The following TDP1 variants were observed in gnomAD, a reference collection of about 807,000 sequenced individuals.
The protein encoded by TDP1 is tyrosyl-DNA phosphodiesterase 1.
A neutral mutation model predicts 81.5 loss-of-function variants in TDP1; 64 were observed. The ratio of observed to expected loss-of-function variants is 0.79; its 90% CI spans 0.64 to 0.97. The LOEUF (loss-of-function observed/expected upper bound fraction) is 0.97, where lower values mean the gene tolerates loss of function less well. Among genes scored for constraint, TDP1 ranks in the 50% least tolerant of loss-of-function variants. The pLI is 0.00. For synonymous variants in TDP1, 256 were observed against 264.3 expected (o/e 0.97, Z 0.30); for missense variants, 723 against 743.8 (o/e 0.97, Z 0.33).
At chr14:89,979,606 G>A (rs1444765151) in intron 7 of TDP1, among the ~76,000 whole-genome samples, 1 of 152,136 alleles carries the variant, frequency 6.6e-6, no homozygotes, top group Non-Finnish European at 1.5e-5. Context: ...ACCGTGCCTG[G>A]CAGCAAAATG....
At chr14:89,981,622 G>A (rs1231287136) in intron 8 of TDP1, 5 of 361,184 alleles carry the variant, frequency 1.4e-5, no homozygotes, top group Non-Finnish European at 1.6e-5. Context: ...GCCTAGCTTG[G>A]GCTAGAACTC....
intron 15 of TDP1, among the ~76,000 whole-genome samples, chr14:90,031,322 T>C (rs922215835): frequency 1.4e-5 from 2 of 141,192 alleles, no homozygotes. Context: ...TGTGTTCTCA[T>C]TGTTCAGTTC....
chr14:90,002,140 C>A (rs542913164), intron 14 of TDP1, among the ~76,000 whole-genome samples: 11 of 152,130 alleles, frequency 7.2e-5, no homozygotes, highest in Non-Finnish European at 1.5e-4. Flanking sequence ...GTTCCCCAGC[C>A]ACCCTGCTCC....
chr14:89,993,821 T>G (rs1234061821), intron 14 of TDP1, among the ~76,000 whole-genome samples: 1 of 152,218 alleles, frequency 6.6e-6, no homozygotes. Context: ...TATTTTTTTC[T>G]TAATTAGTTT....
intron 15 of TDP1, among the ~76,000 whole-genome samples, chr14:90,019,643 G>C (rs1158565698): frequency 1.3e-5 from 2 of 150,816 alleles, no homozygotes; most frequent in Non-Finnish European, 2.9e-5. Context: ...ACTTGATTAG[G>C]AATTGACTGT....
Position 89,983,845 on chromosome 14 carries a change from T to C in TDP1, c.885-671T>C, listed in dbSNP as rs187563137. On this transcript the variant is annotated intron_variant, in intron 8 of 16. Coordinates refer to ENST00000335725, the MANE Select transcript of TDP1 (RefSeq NM_018319.4). ...CTCTAGGGAAAAAGAATTAATGAAATGAAAGATGTCTGTAATGCTTCTTCA... is the reference window on the plus strand; with the variant it reads ...CTCTAGGGAAAAAGAATTAATGAAACGAAAGATGTCTGTAATGCTTCTTCA... Among the ~76,000 whole-genome samples, 219 of 152,320 alleles carry C rather than the reference T, an allele frequency of 1.4e-3. 1 individual carries two copies. Among genetic ancestry groups the C allele is most frequent in the Non-Finnish European group, 1.3e-3 (87 of 68,024 alleles).
chr14:89,960,958 T>A (rs1220654229), intron 2 of TDP1, among the ~76,000 whole-genome samples: 1 of 152,166 alleles, frequency 6.6e-6, no homozygotes, highest in Non-Finnish European at 1.5e-5. Context: ...CAGCCTGCAG[T>A]GTGGCCTGAC....
intron 16 of TDP1, chr14:90,033,575 C>A: frequency 3.4e-6 from 1 of 295,144 alleles, no homozygotes; most frequent in Non-Finnish European, 6.7e-6. Flanking sequence ...TTAAATTAGT[C>A]TACACTTGGG....
chr14:89,990,434 T>C (rs1010648483), intron 12 of TDP1, among the ~76,000 whole-genome samples: 1 of 152,158 alleles, frequency 6.6e-6, no homozygotes, highest in Admixed American at 6.5e-5. Context: ...CATTTGTTGA[T>C]GGCTGAAAGC....
chr14:90,022,673 A>G (rs150661117), intron 15 of TDP1: 2 of 831,040 alleles, frequency 2.4e-6, no homozygotes, highest in East Asian at 1.2e-4. Context: ...TTATTTTGAT[A>G]TAGGAGACTT....
intron 8 of TDP1, chr14:89,981,605 TATC>T: frequency 1.3e-5 from 5 of 388,726 alleles, no homozygotes; most frequent in South Asian, 9.8e-5. Flanking sequence ...CCCTGCCCCA[TATC>T]ATTGCCTAGC....
chr14:90,017,807 T>A (rs547388499), intron 14 of TDP1, among the ~76,000 whole-genome samples: 2 of 152,172 alleles, frequency 1.3e-5, no homozygotes, highest in Admixed American at 1.3e-4. Flanking sequence ...TTAAAAAAAG[T>A]TTTTTTCCTA....
intron 15 of TDP1, among the ~76,000 whole-genome samples, chr14:90,024,998 A>T (rs986925778): frequency 6.6e-6 from 1 of 152,200 alleles, no homozygotes; most frequent in African/African-American, 2.4e-5. Flanking sequence ...TCTCTTGGGT[A>T]GAACTCTGTG....
rs774445276 is a variant in TDP1, at chr14:89,963,386, G to A, written c.272G>A (p.Ser91Asn). The A allele has an allele frequency of 1.9e-6, 3 of 1,614,206 alleles. No homozygotes were observed. The highest frequency in any genetic ancestry group is 4.5e-5 in the East Asian group (2 of 44,882). Residue 91 changes from serine (S) to asparagine (N), a missense_variant, in exon 3 of 17, where the codon AGC becomes AAC. By Grantham distance (46) the Ser-to-Asn change is conservative (BLOSUM62 1). Coordinates refer to ENST00000335725, the MANE Select transcript of TDP1 (RefSeq NM_018319.4). ...GAGGACCTCGGCTGGTGTCTGTCCAGCAGTGATGATGAGCTGCAACCAGAA... is the reference window on the plus strand; with the variant it reads ...GAGGACCTCGGCTGGTGTCTGTCCAACAGTGATGATGAGCTGCAACCAGAA... ...SQEDLGWCLS[S>N]SDDELQPEMP...
chr14:89,988,506 A>G, intron 10 of TDP1: 1 of 758,844 alleles, frequency 1.3e-6, no homozygotes, highest in Non-Finnish European at 1.6e-6. Context: ...GCCAGGAAAC[A>G]GGGATGAAGA....
chr14:89,989,885 C>A (rs1895996472), intron 12 of TDP1, 120 bp downstream of exon 12: 4 of 793,200 alleles, frequency 5.0e-6, no homozygotes, highest in Admixed American at 4.0e-5. Context: ...ATATAAGGAT[C>A]ATGAAAATAG....
At chr14:90,002,038 A>G (rs1566895388) in intron 14 of TDP1, among the ~76,000 whole-genome samples, 3 of 152,108 alleles carry the variant, frequency 2.0e-5, no homozygotes, top group African/African-American at 7.2e-5. Flanking sequence ...AATTATTTGA[A>G]TCAGTACCCT....
chr14:90,029,030 G>T (rs1413273946), intron 15 of TDP1, among the ~76,000 whole-genome samples: 1 of 151,836 alleles, frequency 6.6e-6, no homozygotes, highest in Non-Finnish European at 1.5e-5. Context: ...CAAATACCAG[G>T]GTTTCTAGAA....
intron 2 of TDP1, 188 bp from the exon 3 acceptor site, chr14:89,962,920 G>T (rs1892502307): frequency 1.0e-6 from 1 of 985,150 alleles, no homozygotes; most frequent in African/African-American, 1.7e-5. Context: ...ACTTTTGCTT[G>T]TGATTTGGCA....
Sources: allele counts gnomAD v4.1 joint callset (sites outside exome capture counted in the v4.1 genomes callset), GRCh38; gene constraint gnomAD v4.1.1; transcripts MANE v1.5; gene names NCBI Gene and HGNC (gene_info 2026-07-23, HGNC 2026-07-21).